The following UBR3 variants were observed in gnomAD, a reference collection of about 807,000 sequenced individuals.
UBR3 encodes the protein E3 ubiquitin-protein ligase UBR3.
UBR3 carries 85 observed loss-of-function variants against 243.2 expected under a neutral mutation model. The ratio of observed to expected loss-of-function variants is 0.35; its 90% CI spans 0.29 to 0.42. UBR3 has a LOEUF of 0.42. Among genes scored for constraint, UBR3 ranks in the 10% least tolerant of loss-of-function variants. The probability of loss-of-function intolerance (pLI) is 1.00; values close to 1 mark genes in which losing one functional copy is unlikely to be tolerated. For missense variants in UBR3, 1,686 were observed against 2,300.8 expected, an observed-to-expected ratio of 0.73 and a Z score of 5.47; for synonymous variants, 748 against 799.8, an observed-to-expected ratio of 0.94 and a Z score of 1.09.
At chr2:169,902,029 C>G (rs538846106) in intron 8 of UBR3, among the ~76,000 whole-genome samples, 3 of 152,208 alleles carry the variant, frequency 2.0e-5, no homozygotes, top group Non-Finnish European at 2.9e-5. Flanking sequence ...CTCCATTAAT[C>G]TGGCTGCTTT....
chr2:169,958,324 T>C (rs2087406397), intron 23 of UBR3, 114 bp from the exon 24 acceptor site: 2 of 761,544 alleles, frequency 2.6e-6, no homozygotes, highest in Non-Finnish European at 4.1e-6. Flanking sequence ...ATACAGAAAA[T>C]AGATTGTTCT....
Position 170,061,394 on chromosome 2 carries a change from C to T in UBR3, c.4970C>T (p.Thr1657Ile), listed in dbSNP as rs1559227492. The change falls in exon 35 of 39, where the codon ACC becomes ATC. Residue 1657 changes from threonine (T) to isoleucine (I), a missense_variant. Physicochemically the swap from Thr to Ile is moderately conservative, Grantham distance 89. Coordinates refer to ENST00000272793, the MANE Select transcript of UBR3 (RefSeq NM_172070.4). ...TTCTGCTTACCTTTTCTCAGAATCA[C>T]CAGCCTTCTTCAGCACCACCTTTTT... ...QDFCLPFLRI[T>I]SLLQHHLFGE... 6.2e-7 allele frequency: 1 copy of T among 1,614,100 alleles called. No individual in the cohort carries two copies. The highest frequency in any genetic ancestry group is 1.7e-5 in the Admixed American group (1 of 60,018).
chr2:169,913,766 T>G (rs1051121987), intron 10 of UBR3, among the ~76,000 whole-genome samples: 5 of 151,362 alleles, frequency 3.3e-5, no homozygotes, highest in Admixed American at 2.0e-4. Flanking sequence ...TATAATAAAT[T>G]GGGGGGGGTG....
At chr2:170,023,109 T>C (rs1268310974) in intron 30 of UBR3, among the ~76,000 whole-genome samples, 7 of 152,082 alleles carry the variant, frequency 4.6e-5, no homozygotes. Flanking sequence ...TCCACCCCCA[T>C]GATATTTCAG....
intron 1 of UBR3, among the ~76,000 whole-genome samples, chr2:169,857,064 G>GTTTTTTTTT (rs770674966): frequency 0.012 from 696 of 55,926 alleles, 146 homozygotes; most frequent in East Asian, 0.03. Context: ...ATTTTATTAT[G>GTTTTTTTTT]TTTTTTTTTT....
At chr2:169,854,563 G>C (rs1484470546) in intron 1 of UBR3, among the ~76,000 whole-genome samples, 2 of 152,016 alleles carry the variant, frequency 1.3e-5, no homozygotes, top group Non-Finnish European at 2.9e-5. Context: ...TTTCTGTATT[G>C]ATAAATCTTA....
chr2:169,999,792 G>A (rs543131978), intron 26 of UBR3, among the ~76,000 whole-genome samples: 3 of 151,584 alleles, frequency 2.0e-5, no homozygotes, highest in Non-Finnish European at 4.4e-5. Flanking sequence ...AGTTGAAGAT[G>A]TAAAAGAGAA....
chr2:169,902,036 CT>C (rs1338876929), intron 8 of UBR3, among the ~76,000 whole-genome samples: 1 of 152,142 alleles, frequency 6.6e-6, no homozygotes, highest in Non-Finnish European at 1.5e-5. Context: ...AATCTGGCTG[CT>C]TTTACATTAT....
chr2:170,038,631 G>A (rs1040839720), intron 31 of UBR3, among the ~76,000 whole-genome samples: 1 of 152,116 alleles, frequency 6.6e-6, no homozygotes, highest in Non-Finnish European at 1.5e-5. Context: ...AATTAAATAC[G>A]GGGTGAGTGA....
chr2:169,916,560 G>A (rs1227766103), intron 11 of UBR3, among the ~76,000 whole-genome samples: 1 of 151,972 alleles, frequency 6.6e-6, no homozygotes, highest in African/African-American at 2.4e-5. Flanking sequence ...TGAAACTCCC[G>A]CACCAGACTC....
chr2:169,960,666 C>G (rs2087530397), intron 24 of UBR3, among the ~76,000 whole-genome samples: 2 of 152,034 alleles, frequency 1.3e-5, no homozygotes, highest in Admixed American at 1.3e-4. Context: ...ATAAAATGAA[C>G]TAATAAGCAC....
At chr2:169,938,026 C>T (rs2086412072) in intron 19 of UBR3, among the ~76,000 whole-genome samples, 1 of 152,048 alleles carries the variant, frequency 6.6e-6, no homozygotes, top group South Asian at 2.1e-4. Flanking sequence ...ATTGTACTTG[C>T]TATTTGATCC....
chr2:169,842,300 C>T (rs192290542), intron 1 of UBR3, among the ~76,000 whole-genome samples: 2 of 152,158 alleles, frequency 1.3e-5, no homozygotes, highest in East Asian at 3.9e-4. Flanking sequence ...CTGATGGGGA[C>T]GTGGAGAACC....
At position 169,882,614 on chromosome 2, in the gene UBR3, G is replaced by A. The variant is rs529191028; in HGVS notation, c.1038+4040G>A. On this transcript the variant is annotated intron_variant, in intron 5 of 38. Transcript: ENST00000272793. ...AAATTAGCTGAACATGCTGGCACAT[G>A]CATGTAATCCCAGCTACTCAGGGCA... Among the ~76,000 whole-genome samples, 5 of 151,416 alleles carry A rather than the reference G, an allele frequency of 3.3e-5. No homozygotes were observed. The East Asian group carries it at 9.7e-4, about 29-fold the overall frequency.
At chr2:169,866,150 C>CAAAA (rs578054467) in intron 1 of UBR3, among the ~76,000 whole-genome samples, 1,901 of 53,360 alleles carry the variant, frequency 0.036, 276 homozygotes, top group Non-Finnish European at 0.045. Flanking sequence ...GACTGTGTCT[C>CAAAA]AAAAAAAAAA....
intron 20 of UBR3, among the ~76,000 whole-genome samples, chr2:169,942,990 G>A (rs527746858): frequency 4.9e-4 from 74 of 152,302 alleles, no homozygotes; most frequent in African/African-American, 1.7e-3. Context: ...TAGAATGGCA[G>A]TTATGTGAGG....
At chr2:170,068,851 CAA>C (rs2091637167) in intron 35 of UBR3, among the ~76,000 whole-genome samples, 1 of 152,114 alleles carries the variant, frequency 6.6e-6, no homozygotes, top group African/African-American at 2.4e-5. Context: ...ACAAGTTTGA[CAA>C]CTTAGATAAA....
At position 169,989,503 on chromosome 2, in the gene UBR3, A is replaced by C. The variant is rs76212059; in HGVS notation, c.3784+2709A>C. Among the ~76,000 whole-genome samples the C allele has an allele frequency of 8.7e-3, 1,319 of 152,290 alleles. 16 individuals carry two copies. Among genetic ancestry groups the C allele is most frequent in the African/African-American group, 0.03 (1,263 of 41,552 alleles). ...CCCTCTGTTTTCTCTCTGTGAGATTAGTAGGAAGTGATGATTACTGCCTAA... is the reference window on the plus strand; with the variant it reads ...CCCTCTGTTTTCTCTCTGTGAGATTCGTAGGAAGTGATGATTACTGCCTAA... On this transcript the variant is annotated intron_variant, in intron 25 of 38. Coordinates refer to ENST00000272793, the MANE Select transcript of UBR3 (RefSeq NM_172070.4).
chr2:169,930,661 A>C (rs2086087195), intron 18 of UBR3, among the ~76,000 whole-genome samples: 2 of 152,224 alleles, frequency 1.3e-5, no homozygotes, highest in Admixed American at 1.3e-4. Context: ...CTGGGATTGC[A>C]GGTGTGAACC....
Sources: allele counts gnomAD v4.1 joint callset (sites outside exome capture counted in the v4.1 genomes callset), GRCh38; gene constraint gnomAD v4.1.1; transcripts MANE v1.5; gene names NCBI Gene and HGNC (gene_info 2026-07-23, HGNC 2026-07-21).